Variants in ARHGAP6 observed in about 807,000 individuals in gnomAD.
The protein encoded by ARHGAP6 is Rho GTPase activating protein 6.
In ARHGAP6, 16 loss-of-function variants were observed where a neutral mutation model predicts 55.7. The observed-to-expected ratio is 0.29, with a 90% CI of 0.19 to 0.44. ARHGAP6 has a LOEUF of 0.44. Among genes scored for constraint, ARHGAP6 ranks in the 20% least tolerant of loss-of-function variants. The pLI is 1.00. For synonymous variants in ARHGAP6, 382 were observed against 360.9 expected (o/e 1.06, Z -0.66); for missense variants, 698 against 808.9 (o/e 0.86, Z 1.66).
At chrX:11,175,859 ATT>A (rs3838206) in intron 8 of ARHGAP6, among the ~76,000 whole-genome samples, 1 of 105,739 alleles carries the variant, frequency 9.5e-6, no homozygotes, top group African/African-American at 3.4e-5. Flanking sequence ...ACCCCAGTAC[ATT>A]TTTTTTTTCT....
chrX:11,386,724 G>A (rs775850483), intron 1 of ARHGAP6, among the ~76,000 whole-genome samples: 7 of 111,731 alleles, frequency 6.3e-5, no homozygotes, highest in Non-Finnish European at 9.4e-5. Context: ...TTCACAAAAC[G>A]TGAGCATGTC....
intron 1 of ARHGAP6, among the ~76,000 whole-genome samples, chrX:11,532,563 GC>G (rs2051061908): frequency 8.9e-6 from 1 of 112,746 alleles, no homozygotes; most frequent in Non-Finnish European, 1.9e-5. Flanking sequence ...GGATTCCAAA[GC>G]CCTAGGGCAA....
chrX:11,631,591 A>C (rs1342215702), intron 1 of ARHGAP6, among the ~76,000 whole-genome samples: 1 of 111,446 alleles, frequency 9.0e-6, no homozygotes, highest in Non-Finnish European at 1.9e-5. Context: ...CCAAGTTCTA[A>C]GTGTTCCAAT....
chrX:11,516,173 G>A (rs1222492980), intron 1 of ARHGAP6, among the ~76,000 whole-genome samples: 3 of 112,387 alleles, frequency 2.7e-5, no homozygotes, highest in Non-Finnish European at 5.6e-5. Context: ...TAGTTACTAA[G>A]TATTTTTTAA....
At chrX:11,587,657 C>T (rs1055902244) in intron 1 of ARHGAP6, among the ~76,000 whole-genome samples, 9 of 112,161 alleles carry the variant, frequency 8.0e-5, no homozygotes, top group East Asian at 2.8e-4. Flanking sequence ...TCTCTCTTCA[C>T]GAAAAGATTG....
At chrX:11,322,230 T>C (rs1216371719) in intron 1 of ARHGAP6, among the ~76,000 whole-genome samples, 1 of 111,991 alleles carries the variant, frequency 8.9e-6, no homozygotes, top group African/African-American at 3.2e-5. Context: ...CTCTAAACTG[T>C]GGGATGTTTA....
At chrX:11,491,887 T>C (rs373655761) in intron 1 of ARHGAP6, among the ~76,000 whole-genome samples, 12 of 108,097 alleles carry the variant, frequency 1.1e-4, no homozygotes, top group Non-Finnish European at 2.3e-4. Flanking sequence ...TGTTTCCTGA[T>C]TTTTTAATGA....
rs1254723485 is a variant in ARHGAP6 at position 11,137,812 on chromosome X, C to T, written c.*1051G>A. The T allele has an allele frequency of 7.1e-5, 8 of 112,014 alleles. No homozygotes were observed. The East Asian group carries it at 2.2e-3, about 31-fold the overall frequency. 9.2% of individuals were successfully genotyped at this position (112,014 alleles called of 1,213,427 possible). A position where few individuals can be genotyped will look rare whatever the true frequency, so the allele number is the denominator to read the frequency against. On this transcript the variant is annotated 3_prime_UTR_variant, in exon 13 of 13. Coordinates refer to ENST00000337414, the MANE Select transcript of ARHGAP6 (RefSeq NM_013427.3). ...ACATTTTACAATACACATAAAATTACGAAAGAAAACATTTCCTCAGCCTTT... is the reference window on the plus strand; with the variant it reads ...ACATTTTACAATACACATAAAATTATGAAAGAAAACATTTCCTCAGCCTTT...
chrX:11,653,813 C>A (rs929649964), intron 1 of ARHGAP6, among the ~76,000 whole-genome samples: 4 of 111,981 alleles, frequency 3.6e-5, no homozygotes, highest in African/African-American at 1.3e-4. Context: ...CGATTCACTT[C>A]ATTTTCTCTG....
chrX:11,471,933 T>C, intron 1 of ARHGAP6, among the ~76,000 whole-genome samples: 1 of 111,814 alleles, frequency 8.9e-6, no homozygotes. Context: ...CATTAACGCA[T>C]TCATTAATCC....
At chrX:11,315,902 C>A (rs1376306680) in intron 1 of ARHGAP6, among the ~76,000 whole-genome samples, 4 of 111,625 alleles carry the variant, frequency 3.6e-5, no homozygotes, top group Non-Finnish European at 7.5e-5. Flanking sequence ...ATATCTCCAA[C>A]TAGGACATTT....
intron 1 of ARHGAP6, among the ~76,000 whole-genome samples, chrX:11,596,994 C>T (rs1369183269): frequency 1.8e-5 from 2 of 111,817 alleles, no homozygotes; most frequent in African/African-American, 6.5e-5. Flanking sequence ...TTTTTTCTCA[C>T]TGAAAATTCA....
At chrX:11,558,893 T>C (rs780831258) in intron 1 of ARHGAP6, among the ~76,000 whole-genome samples, 1 of 96,435 alleles carries the variant, frequency 1.0e-5, no homozygotes, top group African/African-American at 3.9e-5. Context: ...CGCAGTTGCA[T>C]GAAGCAGCTC....
chrX:11,477,485 C>G (rs1221024372), intron 1 of ARHGAP6, among the ~76,000 whole-genome samples: 1 of 111,429 alleles, frequency 9.0e-6, no homozygotes, highest in Non-Finnish European at 1.9e-5. Flanking sequence ...CCATATATCC[C>G]GGCCATTTTA....
chrX:11,384,017 A>G (rs1450162803), intron 1 of ARHGAP6, among the ~76,000 whole-genome samples: 2 of 111,786 alleles, frequency 1.8e-5, no homozygotes, highest in East Asian at 5.6e-4. Context: ...AAAAACACAA[A>G]GAACACCATA....
intron 1 of ARHGAP6, among the ~76,000 whole-genome samples, chrX:11,299,490 T>G (rs960371962): frequency 1.8e-5 from 2 of 111,971 alleles, no homozygotes; most frequent in African/African-American, 6.5e-5. Flanking sequence ...CAATCTAACT[T>G]GGAGGCGGCT....
chrX:11,539,789 C>T (rs901864429), intron 1 of ARHGAP6, among the ~76,000 whole-genome samples: 56 of 111,952 alleles, frequency 5.0e-4, no homozygotes, highest in African/African-American at 1.8e-3. Flanking sequence ...AGGATACAGA[C>T]CTCCAAATCG....
At chrX:11,413,932 T>TA (rs1371982417) in intron 1 of ARHGAP6, among the ~76,000 whole-genome samples, 1 of 111,836 alleles carries the variant, frequency 8.9e-6, no homozygotes, top group Non-Finnish European at 1.9e-5. Flanking sequence ...ACTAACCTTT[T>TA]AAAAAAATGT....
intron 1 of ARHGAP6, among the ~76,000 whole-genome samples, chrX:11,266,995 A>G (rs1038211246): frequency 1.8e-4 from 20 of 111,601 alleles, no homozygotes; most frequent in African/African-American, 6.2e-4. Flanking sequence ...GATTAAACTT[A>G]AACAGAGATT....
Sources: allele counts gnomAD v4.1 joint callset (sites outside exome capture counted in the v4.1 genomes callset), GRCh38; gene constraint gnomAD v4.1.1; transcripts MANE v1.5; gene names NCBI Gene and HGNC (gene_info 2026-07-23, HGNC 2026-07-21).